The following XKR6 variants were observed in gnomAD, a reference collection of about 807,000 sequenced individuals.
XKR6 encodes the protein XK related 6.
A neutral mutation model predicts 56.7 loss-of-function variants in XKR6; 22 were observed. The observed-to-expected ratio is 0.39, with a 90% confidence interval of 0.28 to 0.55. XKR6 has a LOEUF of 0.55. XKR6 is among the 20% of genes least tolerant of loss of function. The pLI is 0.66. For missense variants in XKR6, 852 were observed against 889.0 expected, an observed-to-expected ratio of 0.96 and a Z score of 0.53; for synonymous variants, 524 against 387.8, an observed-to-expected ratio of 1.35 and a Z score of -4.13.
At chr8:11,159,424 G>C (rs547300305) in intron 1 of XKR6, among the ~76,000 whole-genome samples, 4 of 152,180 alleles carry the variant, frequency 2.6e-5, no homozygotes, top group Non-Finnish European at 5.9e-5. Context: ...CCTAGATCGC[G>C]AGAGAAAAGA....
chr8:11,082,858 C>T (rs1435021646), intron 1 of XKR6, among the ~76,000 whole-genome samples: 3 of 152,204 alleles, frequency 2.0e-5, no homozygotes, highest in Non-Finnish European at 1.5e-5. Context: ...AAGACAAGCC[C>T]AAGAGCAGGA....
intron 1 of XKR6, among the ~76,000 whole-genome samples, chr8:11,161,563 C>A (rs1370605072): frequency 6.6e-6 from 1 of 152,246 alleles, no homozygotes; most frequent in Non-Finnish European, 1.5e-5. Flanking sequence ...CTGGGGCACA[C>A]TCACTCAGCA....
intron 1 of XKR6, among the ~76,000 whole-genome samples, chr8:10,964,779 C>T (rs1037931841): frequency 1.6e-4 from 24 of 152,302 alleles, no homozygotes; most frequent in Non-Finnish European, 2.5e-4. Flanking sequence ...GGCCCACTCG[C>T]GCTGCCAGAC....
At chr8:11,117,014 C>T (rs948850946) in intron 1 of XKR6, among the ~76,000 whole-genome samples, 1 of 152,228 alleles carries the variant, frequency 6.6e-6, no homozygotes, top group African/African-American at 2.4e-5. Flanking sequence ...AGTAATATTA[C>T]ACTGTCTCCC....
intron 1 of XKR6, among the ~76,000 whole-genome samples, chr8:10,925,919 G>A (rs531705705): frequency 1.1e-3 from 171 of 152,262 alleles, no homozygotes; most frequent in Non-Finnish European, 2.1e-3. Context: ...TAGAGGTTGT[G>A]GACAGGGCTC....
intron 1 of XKR6, among the ~76,000 whole-genome samples, chr8:11,092,587 A>T (rs1288393975): frequency 6.6e-6 from 1 of 152,176 alleles, no homozygotes. Context: ...GAAACTGCTG[A>T]TCTCACGTTC....
chr8:10,939,945 T>A (rs1801340194), intron 1 of XKR6, among the ~76,000 whole-genome samples: 2 of 152,216 alleles, frequency 1.3e-5, no homozygotes, highest in Non-Finnish European at 2.9e-5. Context: ...CCCAGGTGTG[T>A]CCCCTGAGTG....
intron 1 of XKR6, among the ~76,000 whole-genome samples, chr8:10,963,778 A>C: frequency 6.6e-6 from 1 of 152,092 alleles, no homozygotes; most frequent in East Asian, 1.9e-4. Flanking sequence ...CCCTGGATTC[A>C]AGCAATCCTC....
intron 1 of XKR6, among the ~76,000 whole-genome samples, chr8:11,008,262 A>G (rs141693514): frequency 9.3e-4 from 141 of 152,232 alleles, no homozygotes; most frequent in African/African-American, 3.3e-3. Context: ...CTTGGCTCCA[A>G]CATGATGCAA....
chr8:11,097,770 G>T (rs1399923102), intron 1 of XKR6, among the ~76,000 whole-genome samples: 1 of 131,034 alleles, frequency 7.6e-6, no homozygotes, highest in African/African-American at 3.1e-5. Flanking sequence ...TCACGCCACC[G>T]CACTCCAGCC....
Position 10,911,216 on chromosome 8 carries a change from G to A in XKR6, c.962-12300C>T, listed in dbSNP as rs185879415. On this transcript the variant is annotated intron_variant, in intron 2 of 2. Transcript: ENST00000416569. ...AGGGTGTGCGTGTGTGTGTGTGTGT[G>A]TGTGTGTGTGTGTGTGTGTGTATAG... is the stretch of plus-strand genomic sequence containing the variant. Among the ~76,000 whole-genome samples, 90 of 143,912 alleles carry A rather than the reference G, an allele frequency of 6.3e-4. No homozygotes were observed. In the East Asian group the frequency reaches 0.011, roughly 18 times the overall value. The allele number at this position is 143,912 out of a possible 152,430, so 94.4% of individuals were successfully genotyped here.
intron 1 of XKR6, among the ~76,000 whole-genome samples, chr8:11,015,133 G>T (rs1256574837): frequency 6.6e-6 from 1 of 151,886 alleles, no homozygotes; most frequent in East Asian, 1.9e-4. Flanking sequence ...GGGCGCCTCT[G>T]ATCGCGTGAT....
At chr8:10,998,048 C>T (rs542897537) in intron 1 of XKR6, among the ~76,000 whole-genome samples, 5 of 152,230 alleles carry the variant, frequency 3.3e-5, no homozygotes, top group East Asian at 1.9e-4. Context: ...TGAAGAGACA[C>T]CTATGCGTGC....
At chr8:10,960,935 G>A (rs1012896592) in intron 1 of XKR6, among the ~76,000 whole-genome samples, 4 of 152,206 alleles carry the variant, frequency 2.6e-5, no homozygotes, top group Non-Finnish European at 5.9e-5. Context: ...GAATGAAACA[G>A]GGAAGACAGG....
At chr8:11,146,201 A>G (rs991544410) in intron 1 of XKR6, among the ~76,000 whole-genome samples, 1 of 152,278 alleles carries the variant, frequency 6.6e-6, no homozygotes, top group African/African-American at 2.4e-5. Context: ...ACAAAAAGTA[A>G]TGTAAAATGG....
intron 2 of XKR6, among the ~76,000 whole-genome samples, chr8:10,900,463 C>T (rs1172348168): frequency 1.3e-5 from 2 of 152,192 alleles, no homozygotes; most frequent in Non-Finnish European, 2.9e-5. Flanking sequence ...GCTCAGAGTC[C>T]TAGCTTGCAG....
intron 1 of XKR6, among the ~76,000 whole-genome samples, chr8:10,984,650 T>C (rs1436228798): frequency 2.1e-5 from 3 of 142,992 alleles, no homozygotes; most frequent in South Asian, 2.3e-4. Context: ...GCTTTCCAAA[T>C]GAAAACAACA....
chr8:10,965,004 G>T (rs1014767256), intron 1 of XKR6, among the ~76,000 whole-genome samples: 4 of 152,054 alleles, frequency 2.6e-5, no homozygotes, highest in Admixed American at 6.5e-5. Context: ...TCTTTACATC[G>T]CCTTCCCTTT....
intron 1 of XKR6, among the ~76,000 whole-genome samples, chr8:11,085,848 C>T (rs1220961595): frequency 6.6e-6 from 1 of 152,192 alleles, no homozygotes; most frequent in East Asian, 1.9e-4. Context: ...CCTGCAGATG[C>T]CCTACCTTGC....
Sources: allele counts gnomAD v4.1 joint callset (sites outside exome capture counted in the v4.1 genomes callset), GRCh38; gene constraint gnomAD v4.1.1; transcripts MANE v1.5; gene names NCBI Gene and HGNC (gene_info 2026-07-23, HGNC 2026-07-21).